CES5A: variants seen among roughly 807,000 people sequenced by gnomAD.
The protein encoded by CES5A is carboxylesterase 5.
A neutral mutation model predicts 62.9 loss-of-function variants in CES5A; 67 were observed. The ratio of observed to expected loss-of-function variants is 1.07; its 90% CI spans 0.88 to 1.31. The LOEUF (loss-of-function observed/expected upper bound fraction) is 1.31, where lower values mean the gene tolerates loss of function less well. Ranked by LOEUF, CES5A falls within the 50% of genes most tolerant of loss-of-function variation. CES5A has a pLI of 0.00. For missense variants in CES5A, 748 were observed against 708.5 expected (o/e 1.06, Z -0.63); for synonymous variants, 296 against 280.8 (o/e 1.05, Z -0.54).
chr16:55,853,862 C>T (rs190417125), intron 9 of CES5A, among the ~76,000 whole-genome samples: 106 of 152,308 alleles, frequency 7.0e-4, no homozygotes, highest in African/African-American at 2.5e-3. Context: ...GGTGTTGCAG[C>T]TCAAACCCCT....
upstream of CES5A, among the ~76,000 whole-genome samples, chr16:55,926,682 G>A (rs2034260582): frequency 2.0e-5 from 3 of 152,200 alleles, no homozygotes; most frequent in Admixed American, 6.5e-5. Context: ...TCATGCTGGA[G>A]AAGGACTCTC....
chr16:55,949,649 T>C (rs948391277), intron 2 of CES5A: 2 of 416,488 alleles, frequency 4.8e-6, no homozygotes, highest in Non-Finnish European at 4.2e-6. Flanking sequence ...GATAAGAACA[T>C]CTTGACAATG....
rs78418359 is a variant in CES5A, at chr16:55,871,689, G to A, written c.353C>T (p.Ser118Leu). ...LKVHYPKFGV[S>L]EDCLYLNIYA... ...GATGTTCAGGTAGAGGCAGTCTTCT[G>A]ACACTCCGAATTTCGGGTAATGCAC... Residue 118 changes from serine to leucine, a missense_variant, in exon 3 of 13, where the codon TCA becomes TTA. Coordinates refer to ENST00000290567, the MANE Select transcript of CES5A (RefSeq NM_001143685.2). 6.2e-7 allele frequency: 1 copy of A among 1,614,100 alleles called. No homozygotes were observed. Among genetic ancestry groups the A allele is most frequent in the Non-Finnish European group, 8.5e-7 (1 of 1,179,994 alleles).
intron 1 of CES5A, among the ~76,000 whole-genome samples, chr16:55,906,292 A>G (rs1409932595): frequency 4.6e-5 from 7 of 152,206 alleles, no homozygotes; most frequent in African/African-American, 1.4e-4. Flanking sequence ...GCGGTTTGTA[A>G]TAATACTCAT....
intron 1 of CES5A, among the ~76,000 whole-genome samples, chr16:55,912,683 G>A (rs116641093): frequency 6.6e-6 from 1 of 152,116 alleles, no homozygotes; most frequent in Non-Finnish European, 1.5e-5. Context: ...AAGTAAATGT[G>A]TAGTGTTCAA....
chr16:55,953,837 G>A (rs1239893558), intron 1 of CES5A, among the ~76,000 whole-genome samples: 1 of 151,988 alleles, frequency 6.6e-6, no homozygotes, highest in Non-Finnish European at 1.5e-5. Context: ...AATCACATCG[G>A]GGTAATTGGG....
intron 1 of CES5A, among the ~76,000 whole-genome samples, chr16:55,891,018 G>A (rs1313463171): frequency 6.6e-6 from 1 of 151,712 alleles, no homozygotes; most frequent in Non-Finnish European, 1.5e-5. Flanking sequence ...GCTCCACCCT[G>A]ACTCATTCCG....
At chr16:55,952,092 C>G (rs184276485) in intron 1 of CES5A, among the ~76,000 whole-genome samples, 18 of 152,134 alleles carry the variant, frequency 1.2e-4, no homozygotes, top group Non-Finnish European at 1.5e-5. Flanking sequence ...AGACAGGTTA[C>G]CATCTGGGAC....
chr16:55,899,118 A>G (rs2033963729), intron 1 of CES5A, among the ~76,000 whole-genome samples: 1 of 152,094 alleles, frequency 6.6e-6, no homozygotes, highest in Non-Finnish European at 1.5e-5. Context: ...CACCTGGCCT[A>G]CCTATCTGGA....
intron 2 of CES5A, among the ~76,000 whole-genome samples, chr16:55,932,608 T>C (rs2034326893): frequency 6.6e-6 from 1 of 152,024 alleles, no homozygotes; most frequent in Non-Finnish European, 1.5e-5. Flanking sequence ...GGGAGTCCTC[T>C]CTGAGAAGGG....
chr16:55,849,802 T>G (rs1320995741), intron 10 of CES5A, 29 bp from the exon 11 acceptor site: 1 of 1,610,590 alleles, frequency 6.2e-7, no homozygotes, highest in Non-Finnish European at 8.5e-7. Flanking sequence ...AGGTCAGGCA[T>G]GCATGCAGCG....
At chr16:55,905,049 T>C (rs2034026791) in intron 1 of CES5A, among the ~76,000 whole-genome samples, 2 of 152,222 alleles carry the variant, frequency 1.3e-5, no homozygotes, top group Non-Finnish European at 1.5e-5. Context: ...GCTCTATCCA[T>C]GCAAGTGGAG....
intron 1 of CES5A, among the ~76,000 whole-genome samples, chr16:55,899,972 C>A (rs1305749103): frequency 1.3e-5 from 2 of 152,120 alleles, no homozygotes; most frequent in African/African-American, 4.8e-5. Context: ...TTAAAATTTG[C>A]AAGCTATTAA....
Position 55,945,681 on chromosome 16 carries a change from G to A in CES5A, c.160+4104C>T, listed in dbSNP as rs148016392. ...ATGTCTAGTTGTCAAAATCATCTGCGGTCTTTCTTGAAAGTATGGAATTCT... is the reference window on the plus strand; with the variant it reads ...ATGTCTAGTTGTCAAAATCATCTGCAGTCTTTCTTGAAAGTATGGAATTCT... On this transcript the variant is annotated intron_variant, in intron 2 of 13. Transcript: ENST00000521992. Among the ~76,000 whole-genome samples, 1,014 of 152,256 alleles carry A rather than the reference G, an allele frequency of 6.7e-3. 15 individuals are homozygous for A. Among genetic ancestry groups the A allele is most frequent in the African/African-American group, 0.024 (978 of 41,546 alleles).
intron 9 of CES5A, 134 bp downstream of exon 9, chr16:55,856,243 C>T (rs2033239770): frequency 1.3e-6 from 1 of 752,964 alleles, no homozygotes; most frequent in Admixed American, 2.0e-5. Context: ...TACACCTATG[C>T]TTAGTAAAGG....
At chr16:55,848,365 C>T (rs895059221) in intron 11 of CES5A, among the ~76,000 whole-genome samples, 6 of 152,040 alleles carry the variant, frequency 3.9e-5, no homozygotes, top group African/African-American at 9.7e-5. Context: ...GCAATCCTCC[C>T]GCCTCAGACT....
rs1331085984 is a variant in CES5A, at chr16:55,873,743, A to G, written c.278+90T>C. 3.3e-6 allele frequency: 4 copies of G among 1,198,674 alleles called. No homozygotes were observed. In the African/African-American group the frequency reaches 4.5e-5, roughly 13 times the overall value. The allele number at this position is 1,198,674 out of a possible 1,614,324, so 74.3% of individuals were successfully genotyped here. A position where few individuals can be genotyped will look rare whatever the true frequency, so the allele number is the denominator to read the frequency against. On this transcript the variant is annotated intron_variant, in intron 2 of 12. Transcript: ENST00000290567. Reference sequence around the variant, plus strand: ...CTCTCCCTCCTCCCCCATCCATGCCAATCCCTCTTCTTTCACACTGGGCTG... The same window carrying G: ...CTCTCCCTCCTCCCCCATCCATGCCGATCCCTCTTCTTTCACACTGGGCTG...
intron 1 of CES5A, among the ~76,000 whole-genome samples, chr16:55,904,756 G>T (rs1055777510): frequency 2.6e-5 from 4 of 152,156 alleles, no homozygotes; most frequent in African/African-American, 9.7e-5. Context: ...GGAGGAAATA[G>T]ACCCACCTGG....
At chr16:55,867,087 G>A (rs1339454204) in intron 4 of CES5A, among the ~76,000 whole-genome samples, 1 of 152,090 alleles carries the variant, frequency 6.6e-6, no homozygotes, top group East Asian at 1.9e-4. Flanking sequence ...ATGAGGGTGG[G>A]CTAGAGAGAG....
Sources: gnomAD v4.1 joint callset for allele counts (sites outside exome capture counted in the v4.1 genomes callset) on GRCh38, gnomAD v4.1.1 for gene constraint, MANE v1.5 for transcripts, NCBI Gene and HGNC (gene_info 2026-07-23, HGNC 2026-07-21) for gene names.